REST: variants seen among roughly 807,000 people sequenced by gnomAD.
The protein encoded by REST is RE1 silencing transcription factor.
A neutral mutation model predicts 30.4 loss-of-function variants in REST; 1 was observed. The ratio of observed to expected loss-of-function variants is 0.03; its 90% CI spans 0.01 to 0.16. The LOEUF (loss-of-function observed/expected upper bound fraction) is 0.16, where lower values mean the gene tolerates loss of function less well. Among genes scored for constraint, REST ranks in the 10% least tolerant of loss-of-function variants. The pLI, the probability that REST is intolerant of heterozygous loss-of-function variation, is 1.00. For missense variants in REST, 1,259 were observed against 1,329.5 expected, an observed-to-expected ratio of 0.95 and a Z score of 0.82; for synonymous variants, 504 against 451.1, an observed-to-expected ratio of 1.12 and a Z score of -1.49.
intron 3 of REST, among the ~76,000 whole-genome samples, chr4:56,921,868 C>CT (rs1328655821): frequency 6.6e-6 from 1 of 152,048 alleles, no homozygotes; most frequent in Non-Finnish European, 1.5e-5. Context: ...TAACTGTTTC[C>CT]TTTTTACCTT....
rs1191369201 is a variant in REST, at chr4:56,935,762, G to A, written c.*3610G>A. 2.6e-5 allele frequency: 4 copies of A among 152,154 alleles called. No homozygotes were observed. Among genetic ancestry groups the A allele is most frequent in the African/African-American group, 9.7e-5 (4 of 41,440 alleles). 9.4% of individuals were successfully genotyped at this position (152,154 alleles called of 1,614,324 possible). A position where few individuals can be genotyped will look rare whatever the true frequency, so the allele number is the denominator to read the frequency against. On this transcript the variant is annotated 3_prime_UTR_variant, in exon 4 of 4. Coordinates refer to ENST00000309042, the MANE Select transcript of REST (RefSeq NM_005612.5). ...TTTTGGTCCAAATTATGTAGGATAA[G>A]TTAAACTTAAATTGCATTCTATTAA...
rs771051680 is a variant in REST, at chr4:56,931,231, G to C, written c.2373G>C (p.Glu791Asp). 29 of 1,614,092 alleles carry C rather than the reference G, an allele frequency of 1.8e-5. No individual in the cohort carries two copies. Among genetic ancestry groups the C allele is most frequent in the Middle Eastern group, 1.6e-4 (1 of 6,084 alleles). ...CTCCCATGGGGGTGGTTCAGAAGGA[G>C]CCTGCTCAGAGGGAGCCACCTCCTC... is the stretch of plus-strand genomic sequence containing the variant. ...LSPPMGVVQK[E>D]PAQREPPPPR... The change falls in exon 4 of 4, where the codon GAG becomes GAC. Residue 791 changes from glutamate to aspartate, a missense_variant. Glu to Asp is a conservative substitution (Grantham distance 45, BLOSUM62 2). Coordinates refer to ENST00000309042, the MANE Select transcript of REST (RefSeq NM_005612.5).
At chr4:56,923,633 T>C (rs1720549887) in intron 3 of REST, among the ~76,000 whole-genome samples, 1 of 151,128 alleles carries the variant, frequency 6.6e-6, no homozygotes, top group South Asian at 2.1e-4. Context: ...TTAGTAGAGG[T>C]GTTGATCCAC....
Position 56,931,142 on chromosome 4 carries a change from A to C in REST, c.2284A>C (p.Lys762Gln), listed in dbSNP as rs2227903. 0.075 allele frequency: 120,192 copies of C among 1,611,962 alleles called. 4,839 individuals are homozygous for C. Among genetic ancestry groups the C allele is most frequent in the African/African-American group, 0.091 (6,789 of 74,276 alleles). Residue 762 changes from lysine (K) to glutamine (Q), a missense_variant, in exon 4 of 4, where the codon AAG becomes CAG. This residue lies in a region of REST where 856 missense variants were observed against 772.8 expected (regional missense o/e 1.11). Transcript: ENST00000309042. ...PMEVVQKEPV[K>Q]IELSPPIEVV... Reference sequence around the variant, plus strand: ...GGAGGTGGTCCAGAAGGAACCTGTTAAGATAGAGCTGTCTCCTCCCATAGA... The same window carrying C: ...GGAGGTGGTCCAGAAGGAACCTGTTCAGATAGAGCTGTCTCCTCCCATAGA...
rs778247936 is a variant in REST at position 56,930,202 on chromosome 4, A to G, written c.1344A>G (p.Ile448Met). ...PDNITNEKTEIEQTKIKGDVA... is the reference protein window; with the variant it reads ...PDNITNEKTEMEQTKIKGDVA... ...ATATTACCAATGAAAAAACAGAAAT[A>G]GAACAAACAAAAATAAAAGGGGATG... is the stretch of plus-strand genomic sequence containing the variant. The change falls in exon 4 of 4, where the codon ATA (isoleucine) becomes ATG (methionine). Residue 448 changes from isoleucine to methionine, a missense_variant. By Grantham distance (10) the Ile-to-Met change is conservative. This residue lies in a region of REST where 856 missense variants were observed against 772.8 expected (regional missense o/e 1.11). Transcript: ENST00000309042. 5.7e-5 allele frequency: 92 copies of G among 1,607,370 alleles called. No homozygotes were observed. The highest frequency in any genetic ancestry group is 7.0e-5 in the Non-Finnish European group (83 of 1,178,610).
rs1313147989 is a variant in REST at position 56,934,687 on chromosome 4, T to C, written c.*2535T>C. On this transcript the variant is annotated 3_prime_UTR_variant, in exon 4 of 4. Coordinates refer to ENST00000309042, the MANE Select transcript of REST (RefSeq NM_005612.5). ...AATGTGATGTTTGCATGGAACTGTT[T>C]GAAACTTTTTTATTTTCTAGTCCCC... 6.6e-6 allele frequency: 1 copy of C among 152,206 alleles called. No homozygotes were observed. The highest frequency in any genetic ancestry group is 2.4e-5 in the African/African-American group (1 of 41,450). The allele number at this position is 152,206 out of a possible 1,614,324, so 9.4% of individuals were successfully genotyped here.
intron 3 of REST, among the ~76,000 whole-genome samples, chr4:56,925,669 G>A (rs1042521537): frequency 2.0e-5 from 3 of 152,202 alleles, no homozygotes. Context: ...TTGGGAAAAA[G>A]AATTTAAAAT....
At chr4:56,917,700 A>G (rs906022419) in intron 2 of REST, among the ~76,000 whole-genome samples, 3 of 152,212 alleles carry the variant, frequency 2.0e-5, no homozygotes, top group African/African-American at 7.2e-5. Context: ...AGCTTTACCA[A>G]GGTCATAATT....
intron 2 of REST, among the ~76,000 whole-genome samples, chr4:56,912,234 T>C (rs1719962800): frequency 6.6e-6 from 1 of 152,152 alleles, no homozygotes; most frequent in African/African-American, 2.4e-5. Flanking sequence ...CAATTGAAAC[T>C]ATTTTCCTAT....
chr4:56,908,678 G>T (rs1309427498), intron 1 of REST, among the ~76,000 whole-genome samples: 2 of 152,080 alleles, frequency 1.3e-5, no homozygotes, highest in Non-Finnish European at 2.9e-5. Context: ...GGAAGGCGCC[G>T]TTGAGTGCGG....
At position 56,928,620 on chromosome 4, in the gene REST, C is replaced by G. The variant is rs1456513600; in HGVS notation, c.983-1221C>G. ...TTTCTTTTTGTGAGACAAAGTCTTA[C>G]TGTCGCCCAGGCTGAAGTGAAGTGG... On this transcript the variant is annotated intron_variant, in intron 3 of 3. Coordinates refer to ENST00000309042, the MANE Select transcript of REST (RefSeq NM_005612.5). Among the ~76,000 whole-genome samples, 3 of 146,854 alleles carry G rather than the reference C, an allele frequency of 2.0e-5. No individual in the cohort carries two copies. The Admixed American group carries it at 2.0e-4, about 10-fold the overall frequency.
chr4:56,916,325 C>T (rs1353056092), intron 2 of REST, among the ~76,000 whole-genome samples: 1 of 152,072 alleles, frequency 6.6e-6, no homozygotes, highest in Non-Finnish European at 1.5e-5. Context: ...GAGAGTTATG[C>T]CTAGTTTGTG....
chr4:56,912,981 A>T (rs1306564044), intron 2 of REST, among the ~76,000 whole-genome samples: 2 of 133,798 alleles, frequency 1.5e-5, no homozygotes, highest in African/African-American at 5.1e-5. Flanking sequence ...CTTTTTGTGG[A>T]GATGGGGGGT....
Position 56,931,380 on chromosome 4 carries a change from G to T in REST, c.2522G>T (p.Gly841Val). ...AAGGAGCAAGTCCTTATTGAAGTTG[G>T]CTTAGTGCCTGTTAAAGATAGCTGG... is the stretch of plus-strand genomic sequence containing the variant. ...ARKEQVLIEV[G>V]LVPVKDSWLL... The change falls in exon 4 of 4, where the codon GGC becomes GTC. Residue 841 changes from glycine to valine, a missense_variant. Coordinates refer to ENST00000309042, the MANE Select transcript of REST (RefSeq NM_005612.5). 6.2e-7 allele frequency: 1 copy of T among 1,614,252 alleles called. No individual in the cohort carries two copies. Among genetic ancestry groups the T allele is most frequent in the South Asian group, 1.1e-5 (1 of 91,088 alleles).
At chr4:56,921,120 T>C (rs1560447112) in intron 3 of REST, among the ~76,000 whole-genome samples, 1 of 151,982 alleles carries the variant, frequency 6.6e-6, no homozygotes, top group African/African-American at 2.4e-5. Flanking sequence ...CACTTTGGCC[T>C]CCCAAAGTAC....
Position 56,916,072 on chromosome 4 carries a change from G to C in REST, c.899-3715G>C, listed in dbSNP as rs185293553. On this transcript the variant is annotated intron_variant, in intron 2 of 3. Transcript: ENST00000309042. ...GTCGAGATTGTGCAACTGCACTCCA[G>C]CCTGGGGGACAGAGTGAGACTCTGT... 6.0e-5 allele frequency among the ~76,000 whole-genome samples: 9 copies of C among 149,492 alleles called. No homozygotes were observed. In the Admixed American group the frequency reaches 6.0e-4, roughly 10 times the overall value.
intron 3 of REST, among the ~76,000 whole-genome samples, chr4:56,924,577 C>T (rs762373563): frequency 1.5e-4 from 23 of 151,734 alleles, no homozygotes; most frequent in Admixed American, 9.2e-4. Context: ...GCCACCTTAA[C>T]CTCCCAAGTA....
At chr4:56,910,428 AT>A (rs199863154) in intron 1 of REST, among the ~76,000 whole-genome samples, 2 of 151,804 alleles carry the variant, frequency 1.3e-5, no homozygotes, top group South Asian at 2.1e-4. Flanking sequence ...GATAGTAGAA[AT>A]TTTTTTTTGG....
chr4:56,912,696 T>G (rs947227393), intron 2 of REST, among the ~76,000 whole-genome samples: 3 of 152,158 alleles, frequency 2.0e-5, no homozygotes, highest in Admixed American at 1.3e-4. Context: ...GTATTTTTAG[T>G]AGAGATGGGG....
Sources: gnomAD v4.1 joint callset for allele counts (sites outside exome capture counted in the v4.1 genomes callset) on GRCh38, gnomAD v4.1.1 for gene constraint, gnomAD v4.1.1 regional missense constraint, MANE v1.5 for transcripts, NCBI Gene and HGNC (gene_info 2026-07-23, HGNC 2026-07-21) for gene names.